The following WDR26 variants were observed in gnomAD, a reference collection of about 807,000 sequenced individuals.
WDR26 encodes the protein WD repeat-containing protein 26.
Under a neutral mutation model 84.1 loss-of-function variants are expected in WDR26, and 5 were observed. That is an observed-to-expected ratio of 0.06 (90% CI 0.03 to 0.13). The LOEUF is 0.13. Among genes scored for constraint, WDR26 ranks in the 10% least tolerant of loss-of-function variants. WDR26 has a pLI of 1.00. For missense variants in WDR26, 642 were observed against 974.9 expected, an observed-to-expected ratio of 0.66 and a Z score of 4.55; for synonymous variants, 415 against 389.6, an observed-to-expected ratio of 1.07 and a Z score of -0.77.
At chr1:224,403,049 T>C (rs1335563860) in intron 8 of WDR26, among the ~76,000 whole-genome samples, 1 of 152,156 alleles carries the variant, frequency 6.6e-6, no homozygotes. Flanking sequence ...GTAATATATA[T>C]GTAAGTACAA....
chr1:224,419,841 GTTA>G (rs770962176), intron 4 of WDR26, among the ~76,000 whole-genome samples: 15 of 149,770 alleles, frequency 1.0e-4, no homozygotes, highest in East Asian at 3.9e-4. Context: ...AAATTCTTAT[GTTA>G]TTGTTATATA....
intron 7 of WDR26, among the ~76,000 whole-genome samples, chr1:224,407,168 AT>A (rs1558426215): frequency 8.7e-6 from 1 of 115,046 alleles, no homozygotes; most frequent in Non-Finnish European, 1.8e-5. Context: ...ATATATATAT[AT>A]ATAACTCAAA....
chr1:224,401,888 C>CT (rs1673432144), intron 8 of WDR26: 1 of 151,996 alleles, frequency 6.6e-6, no homozygotes, highest in South Asian at 2.1e-4. Context: ...AACCTGTGTA[C>CT]TGTTTAACAT....
At chr1:224,391,927 G>A (rs1283784744) in intron 13 of WDR26, among the ~76,000 whole-genome samples, 1 of 152,132 alleles carries the variant, frequency 6.6e-6, no homozygotes, top group Non-Finnish European at 1.5e-5. Flanking sequence ...TGTTGCCAAA[G>A]CACAATGGAG....
intron 3 of WDR26, among the ~76,000 whole-genome samples, chr1:224,426,006 C>T (rs1674200075): frequency 6.6e-6 from 1 of 151,948 alleles, no homozygotes; most frequent in Non-Finnish European, 1.5e-5. Context: ...TACAGGCACC[C>T]GCCACCACAC....
Position 224,389,501 on chromosome 1 carries a change from C to T in WDR26, c.*334G>A, listed in dbSNP as rs1673065968. 2.0e-6 allele frequency: 1 copy of T among 501,096 alleles called. No homozygotes were observed. The highest frequency in any genetic ancestry group is 3.5e-6 in the Non-Finnish European group (1 of 289,132). 31.0% of individuals were successfully genotyped at this position (501,096 alleles called of 1,614,324 possible). ...TAAACTTCATTACACAGAAGAGCAA[C>T]AAGAATGGTATCCTGCCAGACAAAA... On this transcript the variant is annotated 3_prime_UTR_variant, in exon 14 of 14. Coordinates refer to ENST00000414423, the MANE Select transcript of WDR26 (RefSeq NM_001379403.1).
At chr1:224,414,032 G>A (rs536717690) in intron 6 of WDR26, among the ~76,000 whole-genome samples, 2 of 150,516 alleles carry the variant, frequency 1.3e-5, no homozygotes, top group East Asian at 2.0e-4. Flanking sequence ...GGCTGGTCTC[G>A]AACTCCTGAC....
At chr1:224,396,891 AAAAAGAAAAG>A (rs10526648) in intron 12 of WDR26, among the ~76,000 whole-genome samples, 79,951 of 147,046 alleles carry the variant, frequency 0.54, 24,289 homozygotes, top group East Asian at 0.86. Context: ...TTGCACTCAA[AAAAAGAAAAG>A]AAAAGAAAAG....
chr1:224,398,421 G>A, intron 11 of WDR26, 94 bp downstream of exon 11: 1 of 1,300,918 alleles, frequency 7.7e-7, no homozygotes, highest in Non-Finnish European at 1.0e-6. Flanking sequence ...AGGGTAAGTA[G>A]AAAATTTTGT....
At chr1:224,404,630 G>A (rs1315632619) in intron 7 of WDR26, 60 bp from the exon 8 acceptor site, 1 of 1,541,180 alleles carries the variant, frequency 6.5e-7, no homozygotes, top group Non-Finnish European at 8.8e-7. Flanking sequence ...GTTTCCCAAT[G>A]TAAGAACTTA....
At chr1:224,399,898 G>T (rs932211373) in intron 9 of WDR26, among the ~76,000 whole-genome samples, 1 of 152,124 alleles carries the variant, frequency 6.6e-6, no homozygotes, top group Non-Finnish European at 1.5e-5. Context: ...TTTGAGCCCA[G>T]AAGTTTGAAG....
At chr1:224,408,311 C>T (rs1051389916) in intron 7 of WDR26, among the ~76,000 whole-genome samples, 5 of 152,158 alleles carry the variant, frequency 3.3e-5, no homozygotes, top group African/African-American at 1.2e-4. Flanking sequence ...TTTGCTGTTC[C>T]AGTAGGCTCT....
rs1673686449 is a variant in WDR26 at position 224,409,881 on chromosome 1, G to T, written c.1458+1546C>A. ...CTGTCTCAGAGAAAAAAAAAGAAAA[G>T]AAAAAAAAATTATTTCCATCTGTGG... is the stretch of plus-strand genomic sequence containing the variant. On this transcript the variant is annotated intron_variant, in intron 7 of 13. Transcript: ENST00000414423. Among the ~76,000 whole-genome samples, 2 of 150,344 alleles carry T rather than the reference G, an allele frequency of 1.3e-5. 1 individual carries two copies. The highest frequency in any genetic ancestry group is 4.2e-4 in the South Asian group (2 of 4,738).
In WDR26 at chr1:224,434,769, G is replaced by T; in HGVS notation, c.-364C>A. ...TCCGCTCCGCTCTGCTCCCTGGTGT[G>T]TTGATTCTTCCCCCAGCTGCTGCCT... is the stretch of plus-strand genomic sequence containing the variant. On this transcript the variant is annotated 5_prime_UTR_variant, in exon 1 of 14. Transcript: ENST00000414423. 6.1e-6 allele frequency: 6 copies of T among 986,452 alleles called. No individual in the cohort carries two copies. Among genetic ancestry groups the T allele is most frequent in the African/African-American group, 1.7e-5 (1 of 57,314 alleles). The allele number at this position is 986,452 out of a possible 1,614,324, so 61.1% of individuals were successfully genotyped here. A position where few individuals can be genotyped will look rare whatever the true frequency, so the allele number is the denominator to read the frequency against.
chr1:224,434,034 C>CCCGCCGCCCCCTCCTCCTCCACCGCCG lies in WDR26; in HGVS notation c.345_371dup (p.Gly117_Gly125dup), dbSNP rs749460358. ...CGAGTTCCGGGGTCTGTCCCTGGCC[C>CCCGCCGCCCCCTCCTCCTCCACCGCCG]CCGCCGCCCCCTCCTCCTCCACCGC... On this transcript the variant is annotated inframe_insertion, in exon 1 of 14. Transcript: ENST00000414423. The CCCGCCGCCCCCTCCTCCTCCACCGCCG allele has an allele frequency of 1.4e-6, 2 of 1,465,854 alleles. No individual in the cohort carries two copies. The highest frequency in any genetic ancestry group is 1.8e-6 in the Non-Finnish European group (2 of 1,113,180). The allele number at this position is 1,465,854 out of a possible 1,614,324, so 90.8% of individuals were successfully genotyped here.
chr1:224,393,778 A>G, intron 13 of WDR26, 50 bp downstream of exon 13: 4 of 1,400,032 alleles, frequency 2.9e-6, no homozygotes, highest in Non-Finnish European at 3.8e-6. Context: ...TAATAAGCCG[A>G]GTGATGTTTC....
At chr1:224,427,725 G>A (rs570713616) in intron 3 of WDR26, among the ~76,000 whole-genome samples, 1 of 152,248 alleles carries the variant, frequency 6.6e-6, no homozygotes, top group East Asian at 1.9e-4. Flanking sequence ...CAAAAAATCA[G>A]TTGAAGTATT....
intron 4 of WDR26, among the ~76,000 whole-genome samples, chr1:224,424,247 G>C (rs766895166): frequency 6.6e-6 from 1 of 152,126 alleles, no homozygotes; most frequent in Admixed American, 6.5e-5. Context: ...GCTGTCCTTG[G>C]AATGTAATAG....
chr1:224,411,433 A>T lies in WDR26; in HGVS notation c.1452T>A (p.Val484=). The T allele has an allele frequency of 6.2e-7, 1 of 1,609,262 alleles. No individual in the cohort carries two copies. Among genetic ancestry groups the T allele is most frequent in the South Asian group, 1.1e-5 (1 of 89,262 alleles). ...CTCATATTGGGGTACATACCGGATC[A>T]ACTTGCCATATGATAACTGTTGTAT... The change falls in exon 7 of 14, where the codon GTT becomes GTA. Residue 484 remains valine, a synonymous_variant. Coordinates refer to ENST00000414423, the MANE Select transcript of WDR26 (RefSeq NM_001379403.1).
Sources: gnomAD v4.1 joint callset for allele counts (sites outside exome capture counted in the v4.1 genomes callset) on GRCh38, gnomAD v4.1.1 for gene constraint, MANE v1.5 for transcripts, NCBI Gene and HGNC (gene_info 2026-07-23, HGNC 2026-07-21) for gene names.